The following TCTN3 variants were observed in gnomAD, a reference collection of about 807,000 sequenced individuals.
TCTN3 encodes tectonic family member 3.
A neutral mutation model predicts 71.3 loss-of-function variants in TCTN3; 57 were observed. That is an observed-to-expected ratio of 0.80 (90% CI 0.65 to 1.00). The LOEUF (loss-of-function observed/expected upper bound fraction) is 1.00, where lower values mean the gene tolerates loss of function less well. Ranked by LOEUF, TCTN3 falls within the 50% of genes least tolerant of loss-of-function variation. The probability of loss-of-function intolerance (pLI) is 0.00; values close to 1 mark genes in which losing one functional copy is unlikely to be tolerated. For synonymous variants in TCTN3, 258 were observed against 267.8 expected (o/e 0.96, Z 0.36); for missense variants, 696 against 719.9 (o/e 0.97, Z 0.38).
At chr10:95,688,981 G>A (rs772415374) in intron 3 of TCTN3, among the ~76,000 whole-genome samples, 1 of 152,160 alleles carries the variant, frequency 6.6e-6, no homozygotes, top group African/African-American at 2.4e-5. Context: ...TTTGTACAGA[G>A]TAAAAGAGGT....
intron 13 of TCTN3, among the ~76,000 whole-genome samples, chr10:95,669,627 C>A (rs969750804): frequency 3.4e-4 from 51 of 152,144 alleles, no homozygotes; most frequent in African/African-American, 1.2e-3. Context: ...ATAACTAGTT[C>A]CAGGCATAGT....
At chr10:95,674,514 A>G (rs1395331788) in intron 13 of TCTN3, among the ~76,000 whole-genome samples, 1 of 152,156 alleles carries the variant, frequency 6.6e-6, no homozygotes, top group South Asian at 2.1e-4. Flanking sequence ...ACGAGATCAT[A>G]CTGTACAGGC....
At position 95,687,325 on chromosome 10, in the gene TCTN3, TG is replaced by T; in HGVS notation, c.657del (p.Lys220SerfsTer4). The T allele has an allele frequency of 6.2e-7, 1 of 1,614,022 alleles. No individual in the cohort carries two copies. On this transcript the variant is annotated frameshift_variant, in exon 5 of 14. Coordinates refer to ENST00000371217, the MANE Select transcript of TCTN3 (RefSeq NM_015631.6). LOFTEE classifies it high-confidence loss of function. ...RAGDPILTYF[P>X]KWSVISLLRQ... ...CTCAGCAAGCTTATTACAGACCACT[TG>T]GGGAAGTAAGTAAGAATGGGGTCCC...
chr10:95,691,255 T>C (rs1331015576), intron 3 of TCTN3, among the ~76,000 whole-genome samples: 1 of 152,152 alleles, frequency 6.6e-6, no homozygotes, highest in East Asian at 1.9e-4. Context: ...CAGGCTCACA[T>C]GATTCTCCTG....
rs897544205 is a variant in TCTN3, at chr10:95,687,227, T to C, written c.736+20A>G. On this transcript the variant is annotated intron_variant, in intron 5 of 13. Coordinates refer to ENST00000371217, the MANE Select transcript of TCTN3 (RefSeq NM_015631.6). ...GTTTTAAATTGAATGAAAAGGTTGG[T>C]ACTTTTGCTCTGGATTCACCTGCAG... The C allele has an allele frequency of 1.2e-6, 2 of 1,612,434 alleles. No homozygotes were observed. Among genetic ancestry groups the C allele is most frequent in the African/African-American group, 2.7e-5 (2 of 74,876 alleles).
Position 95,682,750 on chromosome 10 carries a change from A to G in TCTN3, c.1353T>C (p.His451=). The change falls in exon 12 of 14, where the codon CAT becomes CAC. Residue 451 remains histidine, a synonymous_variant. Coordinates refer to ENST00000371217, the MANE Select transcript of TCTN3 (RefSeq NM_015631.6). ...HLQQEIYQTL[H]GRPRPEYVAI... is the part of the protein sequence containing the mutation. ...CAACATACTCTGGTCTGGGCCTTCC[A>G]TGAAGAGTCTGATAAATCTCCTGCT... is the stretch of plus-strand genomic sequence containing the variant. 2 of 1,614,184 alleles carry G rather than the reference A, an allele frequency of 1.2e-6. No homozygotes were observed. The highest frequency in any genetic ancestry group is 1.7e-6 in the Non-Finnish European group (2 of 1,180,030).
intron 9 of TCTN3, 59 bp downstream of exon 9, chr10:95,684,440 A>G: frequency 6.3e-7 from 1 of 1,580,548 alleles, no homozygotes; most frequent in Non-Finnish European, 8.6e-7. Flanking sequence ...AAGCAAAGAA[A>G]TTATTTCTAA....
chr10:95,691,535 G>T (rs1305313155), intron 3 of TCTN3, among the ~76,000 whole-genome samples: 1 of 152,090 alleles, frequency 6.6e-6, no homozygotes, highest in Non-Finnish European at 1.5e-5. Flanking sequence ...TCTGATAACT[G>T]CTTTGAAATT....
Position 95,693,921 on chromosome 10 carries a change from T to A in TCTN3, c.-22A>T. 1 of 1,551,442 alleles carries A rather than the reference T, an allele frequency of 6.4e-7. No homozygotes were observed. The highest frequency in any genetic ancestry group is 8.7e-7 in the Non-Finnish European group (1 of 1,146,952). On this transcript the variant is annotated 5_prime_UTR_variant, in exon 1 of 14. Transcript: ENST00000371217. ...GCATGGGGCATTCAGGGCCTCCGGG[T>A]CCGACGTAGGCCTCCGCGGTCTCCA...
rs1182996775 is a variant in TCTN3, at chr10:95,693,847, T to C, written c.53A>G (p.Asp18Gly). Residue 18 changes from aspartate to glycine, a missense_variant, in exon 1 of 14, where the codon GAT (aspartate) becomes GGT (glycine). By Grantham distance (94) the Asp-to-Gly change is moderately conservative. Coordinates refer to ENST00000371217, the MANE Select transcript of TCTN3 (RefSeq NM_015631.6). The stretch of plus-strand genomic sequence containing the variant: ...GGAAGAGGGCTGAGGCCGGACGCCA[T>C]CGGGGAACACCAGAAAGAACACTTG... ...LLQVFFLVFPDGVRPQPSSSP... is the reference protein window; with the variant it reads ...LLQVFFLVFPGGVRPQPSSSP... 1 of 1,551,572 alleles carries C rather than the reference T, an allele frequency of 6.4e-7. No homozygotes were observed. The highest frequency in any genetic ancestry group is 2.4e-5 in the East Asian group (1 of 40,908).
chr10:95,685,446 A>T (rs2097947324), intron 8 of TCTN3, 110 bp downstream of exon 8: 1 of 777,334 alleles, frequency 1.3e-6, no homozygotes. Flanking sequence ...ATTGTTAGAG[A>T]ATGCAAACAA....
chr10:95,693,133 AG>A, intron 2 of TCTN3, 95 bp from the exon 3 acceptor site: 1 of 1,199,228 alleles, frequency 8.3e-7, no homozygotes, highest in South Asian at 1.4e-5. Context: ...GATGCCAAAG[AG>A]GACTCCTTGG....
chr10:95,678,749 A>G (rs1056089813), intron 13 of TCTN3, among the ~76,000 whole-genome samples: 3 of 152,208 alleles, frequency 2.0e-5, no homozygotes, highest in Non-Finnish European at 4.4e-5. Flanking sequence ...CTTTTATGAT[A>G]TAAGTTTCAT....
chr10:95,677,474 G>GGTTTTTTTTTTTTTTTTTTT (rs2097938217), intron 13 of TCTN3, among the ~76,000 whole-genome samples: 1 of 80,738 alleles, frequency 1.2e-5, no homozygotes, highest in Non-Finnish European at 3.0e-5. Flanking sequence ...GAAGTCTACA[G>GGTTTTTTTTTTTTTTTTTTT]TTTTTTTTGT....
At chr10:95,681,674 C>G (rs999807246) in intron 12 of TCTN3, among the ~76,000 whole-genome samples, 1 of 152,044 alleles carries the variant, frequency 6.6e-6, no homozygotes, top group East Asian at 1.9e-4. Context: ...GATTTTTAAC[C>G]AGATAATGCA....
Position 95,684,489 on chromosome 10 carries a change from G to A in TCTN3, c.1095+10C>T. On this transcript the variant is annotated intron_variant, in intron 9 of 13. Coordinates refer to ENST00000371217, the MANE Select transcript of TCTN3 (RefSeq NM_015631.6). ...CCCCTCTAAATCCCCTATAAGAGAA[G>A]GGCCCTAACCCTGAAGCGAAGGATG... The A allele has an allele frequency of 1.2e-6, 2 of 1,612,604 alleles. No homozygotes were observed. Among genetic ancestry groups the A allele is most frequent in the South Asian group, 1.1e-5 (1 of 90,804 alleles).
chr10:95,693,114 C>G, intron 2 of TCTN3, 76 bp from the exon 3 acceptor site: 2 of 1,283,006 alleles, frequency 1.6e-6, no homozygotes, highest in East Asian at 2.5e-5. Flanking sequence ...CCAGCAATAT[C>G]GGCCAGATGA....
intron 3 of TCTN3, among the ~76,000 whole-genome samples, chr10:95,691,107 A>G (rs548213057): frequency 2.6e-5 from 4 of 152,332 alleles, no homozygotes; most frequent in African/African-American, 9.6e-5. Context: ...TGCCATTGCA[A>G]TAACCCTGGA....
intron 13 of TCTN3, among the ~76,000 whole-genome samples, chr10:95,674,834 T>G (rs2097935333): frequency 6.6e-6 from 1 of 152,002 alleles, no homozygotes; most frequent in East Asian, 1.9e-4. Context: ...AATGAATGAA[T>G]GAATGAATGA....
Sources: allele counts gnomAD v4.1 joint callset (sites outside exome capture counted in the v4.1 genomes callset), GRCh38; gene constraint gnomAD v4.1.1; transcripts MANE v1.5; gene names NCBI Gene and HGNC (gene_info 2026-07-23, HGNC 2026-07-21).